The following LRP1B variants were observed in gnomAD, a reference collection of about 807,000 sequenced individuals.
LRP1B encodes low-density lipoprotein receptor-related protein 1B.
A neutral mutation model predicts 556.6 loss-of-function variants in LRP1B; 217 were observed. That is an observed-to-expected ratio of 0.39 (90% CI 0.35 to 0.44). The LOEUF (loss-of-function observed/expected upper bound fraction) is 0.44. Among genes scored for constraint, LRP1B ranks in the 20% least tolerant of loss-of-function variants. LRP1B has a pLI of 1.00. For synonymous variants in LRP1B, 2,047 were observed against 1,865.8 expected (o/e 1.10, Z -2.50); for missense variants, 5,053 against 5,620.8 (o/e 0.90, Z 3.23).
chr2:141,020,716 A>C (rs914598922), intron 11 of LRP1B, among the ~76,000 whole-genome samples: 4 of 152,062 alleles, frequency 2.6e-5, no homozygotes, highest in African/African-American at 4.8e-5. Flanking sequence ...ATCCTATTAC[A>C]GGATTATATG....
At chr2:141,059,944 G>A (rs1468620997) in intron 8 of LRP1B, among the ~76,000 whole-genome samples, 2 of 151,758 alleles carry the variant, frequency 1.3e-5, no homozygotes, top group East Asian at 3.9e-4. Flanking sequence ...CACTTGATTT[G>A]CTGTAGAGAT....
chr2:140,927,031 C>A (rs542397942), intron 20 of LRP1B, among the ~76,000 whole-genome samples: 1 of 152,256 alleles, frequency 6.6e-6, no homozygotes, highest in South Asian at 2.1e-4. Context: ...ATAGGTCAGG[C>A]GCAGTGGCTC....
At chr2:141,047,302 C>T (rs566465446) in intron 11 of LRP1B, among the ~76,000 whole-genome samples, 52 of 152,050 alleles carry the variant, frequency 3.4e-4, no homozygotes, top group African/African-American at 1.2e-3. Flanking sequence ...ATTTACGTTG[C>T]CTTAATCCGT....
At chr2:140,748,585 C>T (rs1688429666) in intron 35 of LRP1B, among the ~76,000 whole-genome samples, 2 of 41,438 alleles carry the variant, frequency 4.8e-5, no homozygotes, top group Admixed American at 9.8e-4. Context: ...TATACATATA[C>T]AGTGTGTATA....
At chr2:141,212,738 T>C (rs1682621225) in intron 6 of LRP1B, among the ~76,000 whole-genome samples, 2 of 151,860 alleles carry the variant, frequency 1.3e-5, no homozygotes, top group African/African-American at 2.4e-5. Context: ...CAACTGAAAA[T>C]ACCAAACTCT....
chr2:141,093,240 A>C (rs1196095158), intron 7 of LRP1B, among the ~76,000 whole-genome samples: 1 of 152,158 alleles, frequency 6.6e-6, no homozygotes, highest in Non-Finnish European at 1.5e-5. Flanking sequence ...GAGTGCACTC[A>C]AGGTAACAGG....
intron 32 of LRP1B, among the ~76,000 whole-genome samples, chr2:140,794,635 C>CA (rs1362434269): frequency 2.7e-5 from 4 of 149,746 alleles, no homozygotes; most frequent in Non-Finnish European, 4.4e-5. Flanking sequence ...TTTTTTGAGA[C>CA]AGAGTTTCGC....
chr2:140,438,475 T>A (rs1686286385), intron 66 of LRP1B, among the ~76,000 whole-genome samples: 1 of 152,208 alleles, frequency 6.6e-6, no homozygotes, highest in Non-Finnish European at 1.5e-5. Context: ...AGCTTATAAC[T>A]TATAAATGTA....
intron 20 of LRP1B, among the ~76,000 whole-genome samples, chr2:140,929,984 TTC>T (rs1331198840): frequency 1.3e-5 from 2 of 152,076 alleles, no homozygotes; most frequent in African/African-American, 2.4e-5. Flanking sequence ...TGAAATCCGC[TTC>T]TGTTAACTGT....
At chr2:141,555,446 G>A (rs1167002121) in intron 2 of LRP1B, among the ~76,000 whole-genome samples, 2 of 151,924 alleles carry the variant, frequency 1.3e-5, no homozygotes. Flanking sequence ...CTGTCTCTGA[G>A]ACTAAAGATT....
At chr2:142,107,399 C>T (rs1370752514) in intron 1 of LRP1B, among the ~76,000 whole-genome samples, 2 of 151,988 alleles carry the variant, frequency 1.3e-5, no homozygotes, top group Non-Finnish European at 2.9e-5. Flanking sequence ...GAGTTTGGTC[C>T]CCTTCTGTCC....
chr2:140,834,522 G>C (rs1691833256), intron 31 of LRP1B, among the ~76,000 whole-genome samples: 1 of 152,138 alleles, frequency 6.6e-6, no homozygotes, highest in Admixed American at 6.5e-5. Flanking sequence ...ACAAGCGTGA[G>C]CCCCCGCGCC....
At chr2:140,965,955 C>T (rs1306692620) in intron 18 of LRP1B, among the ~76,000 whole-genome samples, 5 of 152,068 alleles carry the variant, frequency 3.3e-5, no homozygotes, top group East Asian at 1.9e-4. Context: ...CAGTCTATCA[C>T]TGATGGACAT....
intron 1 of LRP1B, among the ~76,000 whole-genome samples, chr2:141,855,412 A>G (rs929798272): frequency 4.6e-5 from 7 of 152,128 alleles, no homozygotes; most frequent in African/African-American, 1.7e-4. Flanking sequence ...CTGAAGTGTA[A>G]TCTTGCATGG....
intron 1 of LRP1B, among the ~76,000 whole-genome samples, chr2:142,043,042 T>C (rs57365961): frequency 0.035 from 5,345 of 151,596 alleles, 304 homozygotes; most frequent in African/African-American, 0.12. Context: ...ACCCAATTTG[T>C]GAAACACTAA....
intron 89 of LRP1B, among the ~76,000 whole-genome samples, chr2:140,237,158 C>T (rs905268809): frequency 6.6e-6 from 1 of 150,856 alleles, no homozygotes; most frequent in Admixed American, 6.6e-5. Flanking sequence ...TTGAACAACA[C>T]CTATTTTCCT....
intron 3 of LRP1B, among the ~76,000 whole-genome samples, chr2:141,475,857 T>C (rs764599095): frequency 2.6e-5 from 4 of 152,104 alleles, no homozygotes; most frequent in African/African-American, 7.2e-5. Context: ...ATCCATTCCA[T>C]TGAGAACCAC....
chr2:141,697,116 T>A (rs2105455207), intron 2 of LRP1B, among the ~76,000 whole-genome samples: 1 of 152,070 alleles, frequency 6.6e-6, no homozygotes, highest in East Asian at 1.9e-4. Flanking sequence ...TTACCATTTT[T>A]AAGTCATATT....
At chr2:140,886,789 G>C (rs1371485547) in intron 23 of LRP1B, among the ~76,000 whole-genome samples, 2 of 152,142 alleles carry the variant, frequency 1.3e-5, no homozygotes, top group Non-Finnish European at 2.9e-5. Context: ...AGAGATCTGT[G>C]AAGAAGTTGT....
Sources: allele counts gnomAD v4.1 joint callset (sites outside exome capture counted in the v4.1 genomes callset), GRCh38; gene constraint gnomAD v4.1.1; transcripts MANE v1.5; gene names NCBI Gene and HGNC (gene_info 2026-07-23, HGNC 2026-07-21).